TFCP2: variants seen among roughly 807,000 people sequenced by gnomAD.
TFCP2 encodes transcription factor CP2, also known as alpha-globin transcription factor CP2.
In TFCP2, 33 loss-of-function variants were observed where a neutral mutation model predicts 73.4. The observed-to-expected ratio is 0.45, with a 90% CI of 0.34 to 0.60. TFCP2 has a LOEUF of 0.60. Among genes scored for constraint, TFCP2 ranks in the 20% least tolerant of loss-of-function variants. The pLI is 0.01. For missense variants in TFCP2, 352 were observed against 604.0 expected (o/e 0.58, Z 4.37); for synonymous variants, 193 against 211.6 (o/e 0.91, Z 0.76).
In TFCP2 at chr12:51,152,868, T is replaced by C. The variant is rs79719547; in HGVS notation, c.122+19433A>G. ...GACAGTTCAGTGGTATTAAGTACAATCATATTGTTGTACAACCATCACCAT... is the reference window on the plus strand; with the variant it reads ...GACAGTTCAGTGGTATTAAGTACAACCATATTGTTGTACAACCATCACCAT... On this transcript the variant is annotated intron_variant, in intron 1 of 14. Transcript: ENST00000257915. Among the ~76,000 whole-genome samples the C allele has an allele frequency of 5.6e-3, 851 of 152,286 alleles. 8 individuals carry two copies. Among genetic ancestry groups the C allele is most frequent in the African/African-American group, 0.019 (793 of 41,556 alleles).
At chr12:51,133,679 C>A (rs1384044270) in intron 1 of TFCP2, among the ~76,000 whole-genome samples, 1 of 152,094 alleles carries the variant, frequency 6.6e-6, no homozygotes, top group East Asian at 1.9e-4. Context: ...GTAATCCCAG[C>A]ACTTTGGGAG....
intron 1 of TFCP2, among the ~76,000 whole-genome samples, chr12:51,129,514 CAAAAAA>C (rs5798159): frequency 0.75 from 94,719 of 125,934 alleles, 33,689 homozygotes; most frequent in Non-Finnish European, 0.78. Flanking sequence ...GACCCCGTCT[CAAAAAA>C]AAAAAAAAAA....
intron 1 of TFCP2, among the ~76,000 whole-genome samples, chr12:51,170,343 C>CTTTCTTTTTT (rs759594333): frequency 3.4e-5 from 5 of 147,128 alleles, no homozygotes; most frequent in African/African-American, 1.3e-4. Context: ...TAAAATCTTT[C>CTTTCTTTTTT]TTTTTTTTTA....
chr12:51,164,043 T>TA (rs531369096), intron 1 of TFCP2, among the ~76,000 whole-genome samples: 45 of 147,828 alleles, frequency 3.0e-4, no homozygotes, highest in East Asian at 6.0e-4. Flanking sequence ...TCTATGAAAT[T>TA]AAAAAAAAAA....
chr12:51,095,438 A>G (rs772881887), intron 14 of TFCP2, among the ~76,000 whole-genome samples, 160 bp from the exon 15 acceptor site: 13 of 151,138 alleles, frequency 8.6e-5, no homozygotes, highest in Non-Finnish European at 1.8e-4. Context: ...GGGCAACAAG[A>G]GCGAAATTCT....
intron 1 of TFCP2, among the ~76,000 whole-genome samples, chr12:51,172,096 C>T (rs917146760): frequency 1.3e-5 from 2 of 152,214 alleles, no homozygotes; most frequent in African/African-American, 4.8e-5. Flanking sequence ...ACTGATTCTG[C>T]ACAGGCTTCA....
At chr12:51,115,795 A>G (rs946078544) in intron 4 of TFCP2, among the ~76,000 whole-genome samples, 2 of 152,242 alleles carry the variant, frequency 1.3e-5, no homozygotes, top group African/African-American at 4.8e-5. Context: ...TGCCAGTCAC[A>G]AAAGGACAAA....
chr12:51,150,570 G>A (rs921836170), intron 1 of TFCP2, among the ~76,000 whole-genome samples: 1 of 151,752 alleles, frequency 6.6e-6, no homozygotes. Context: ...AGAATGAAAG[G>A]GAAAGTAAAG....
chr12:51,133,340 C>T (rs1158668715), intron 1 of TFCP2, among the ~76,000 whole-genome samples: 2 of 151,824 alleles, frequency 1.3e-5, no homozygotes, highest in African/African-American at 4.8e-5. Context: ...CGGTCTTGCT[C>T]TGTTGCCCAG....
chr12:51,135,436 C>A (rs1350153990), intron 1 of TFCP2, among the ~76,000 whole-genome samples: 2,199 of 150,918 alleles, frequency 0.015, 54 homozygotes, highest in African/African-American at 0.048. Context: ...CACACACACA[C>A]AAAAAAAACA....
chr12:51,146,136 C>T (rs1037944495), intron 1 of TFCP2, among the ~76,000 whole-genome samples: 3 of 150,556 alleles, frequency 2.0e-5, no homozygotes, highest in African/African-American at 7.3e-5. Flanking sequence ...TAGATTACTC[C>T]GTCTCTACAA....
chr12:51,163,934 G>A (rs970032354), intron 1 of TFCP2, among the ~76,000 whole-genome samples: 1 of 152,084 alleles, frequency 6.6e-6, no homozygotes, highest in Non-Finnish European at 1.5e-5. Context: ...GGCAGGTGCA[G>A]TACCTCACAC....
intron 1 of TFCP2, 81 bp downstream of exon 1, chr12:51,172,220 C>A: frequency 6.4e-7 from 1 of 1,572,000 alleles, no homozygotes; most frequent in South Asian, 1.1e-5. Flanking sequence ...CTATACACCT[C>A]CTTCCCACTC....
intron 4 of TFCP2, among the ~76,000 whole-genome samples, chr12:51,111,496 T>C (rs1940398234): frequency 6.6e-6 from 1 of 151,920 alleles, no homozygotes; most frequent in Admixed American, 6.6e-5. Flanking sequence ...TAGAGTAAAA[T>C]TGACTTAAGT....
chr12:51,122,953 G>T (rs547921646), intron 1 of TFCP2, among the ~76,000 whole-genome samples: 13 of 152,286 alleles, frequency 8.5e-5, no homozygotes, highest in African/African-American at 2.9e-4. Context: ...GATTAGTAAA[G>T]ATTACCAGAT....
chr12:51,122,253 C>CTTTTTTTTTTTTTTTTTTTTTTTTTTTT, intron 1 of TFCP2, among the ~76,000 whole-genome samples: 1 of 73,180 alleles, frequency 1.4e-5, no homozygotes, highest in Non-Finnish European at 2.6e-5. Context: ...TTTTTCTTTT[C>CTTTTTTTTTTTTTTTTTTTTTTTTTTTT]TTTTTTTTTT....
intron 1 of TFCP2, among the ~76,000 whole-genome samples, chr12:51,128,069 A>T (rs1566214268): frequency 1.3e-5 from 2 of 151,868 alleles, no homozygotes; most frequent in Admixed American, 1.3e-4. Context: ...ACATGTGTGC[A>T]CCACCATGCC....
At chr12:51,124,654 C>A (rs1421750638) in intron 1 of TFCP2, 1 of 588,060 alleles carries the variant, frequency 1.7e-6, no homozygotes, top group African/African-American at 1.8e-5. Flanking sequence ...TCCGCGGCTT[C>A]CAACTTGCAC....
chr12:51,155,792 A>G (rs1172592968), intron 1 of TFCP2, among the ~76,000 whole-genome samples: 1 of 152,250 alleles, frequency 6.6e-6, no homozygotes, highest in Non-Finnish European at 1.5e-5. Flanking sequence ...CTGTAAAGCC[A>G]GCACTTTGGG....
Sources: gnomAD v4.1 joint callset for allele counts (sites outside exome capture counted in the v4.1 genomes callset) on GRCh38, gnomAD v4.1.1 for gene constraint, MANE v1.5 for transcripts, NCBI Gene and HGNC (gene_info 2026-07-23, HGNC 2026-07-21) for gene names.